Variants in SERPINI1 observed in about 807,000 individuals in gnomAD.
SERPINI1 encodes the protein serpin family I member 1.
In SERPINI1, 19 loss-of-function variants were observed where a neutral mutation model predicts 41.1. The ratio of observed to expected loss-of-function variants is 0.46; its 90% CI spans 0.32 to 0.68. SERPINI1 has a LOEUF of 0.68. Ranked by LOEUF, SERPINI1 falls within the 30% of genes least tolerant of loss-of-function variation. SERPINI1 has a pLI of 0.03. For missense variants in SERPINI1, 460 were observed against 479.2 expected (o/e 0.96, Z 0.37); for synonymous variants, 138 against 156.6 (o/e 0.88, Z 0.89).
rs1052177511 is a variant in SERPINI1, at chr3:167,792,896, A to G, written c.676+112A>G. 11 of 929,422 alleles carry G rather than the reference A, an allele frequency of 1.2e-5. No individual in the cohort carries two copies. In the East Asian group the frequency reaches 1.5e-4, roughly 13 times the overall value. 57.6% of individuals were successfully genotyped at this position (929,422 alleles called of 1,614,324 possible). On this transcript the variant is annotated intron_variant, in intron 4 of 8. Coordinates refer to ENST00000446050, the MANE Select transcript of SERPINI1 (RefSeq NM_001122752.2). ...CCTTGTCAATCTAATTTGGGCTACA[A>G]TTCAATTTTTTGGCTCCATTTTAAA...
At chr3:167,791,370 C>T (rs1727501157) in intron 3 of SERPINI1, among the ~76,000 whole-genome samples, 1 of 152,072 alleles carries the variant, frequency 6.6e-6, no homozygotes, top group African/African-American at 2.4e-5. Context: ...TAACCCTGAA[C>T]AGATACTCAA....
At chr3:167,816,638 G>A (rs1712099417) in intron 6 of SERPINI1, among the ~76,000 whole-genome samples, 1 of 152,136 alleles carries the variant, frequency 6.6e-6, no homozygotes, top group Admixed American at 6.5e-5. Flanking sequence ...CCTTAAGGAA[G>A]TAGACTGTCC....
At chr3:167,773,391 G>A (rs560067815) in intron 1 of SERPINI1, among the ~76,000 whole-genome samples, 15 of 151,826 alleles carry the variant, frequency 9.9e-5, no homozygotes, top group African/African-American at 3.6e-4. Context: ...TATTTTAAGT[G>A]CCTTGTGAAG....
chr3:167,779,656 A>T lies in SERPINI1; in HGVS notation c.-18-9455A>T, dbSNP rs9815034. Among the ~76,000 whole-genome samples, 5 of 152,008 alleles carry T rather than the reference A, an allele frequency of 3.3e-5. No individual in the cohort carries two copies. In the East Asian group the frequency reaches 7.7e-4, roughly 24 times the overall value. ...AGTAATCATCTTGGCCCATTCCCAA[A>T]TCTTCCATAATTTTTTCTTCCGGTA... On this transcript the variant is annotated intron_variant, in intron 1 of 8. Coordinates refer to ENST00000446050, the MANE Select transcript of SERPINI1 (RefSeq NM_001122752.2).
intron 1 of SERPINI1, among the ~76,000 whole-genome samples, chr3:167,751,036 TAAAA>T (rs941874376): frequency 2.0e-5 from 3 of 152,026 alleles, no homozygotes; most frequent in East Asian, 1.9e-4. Context: ...ATGATAATAT[TAAAA>T]AAAGAATAGA....
At chr3:167,812,979 G>A (rs1711944050) in intron 6 of SERPINI1, among the ~76,000 whole-genome samples, 1 of 152,142 alleles carries the variant, frequency 6.6e-6, no homozygotes, top group Admixed American at 6.5e-5. Context: ...GAAGGTGTAA[G>A]GGGAAGGAGA....
At chr3:167,792,871 C>G (rs2108558657) in intron 4 of SERPINI1, 87 bp downstream of exon 4, 1 of 1,141,022 alleles carries the variant, frequency 8.8e-7, no homozygotes, top group East Asian at 2.4e-5. Context: ...TATTCAAACT[C>G]CTTGTCAATC....
intron 1 of SERPINI1, among the ~76,000 whole-genome samples, chr3:167,781,471 C>T (rs1727122468): frequency 6.6e-6 from 1 of 151,680 alleles, no homozygotes; most frequent in Non-Finnish European, 1.5e-5. Context: ...TTGCCGCCAC[C>T]CCAATATATT....
chr3:167,789,439 T>G, intron 2 of SERPINI1, 61 bp downstream of exon 2: 3 of 1,584,188 alleles, frequency 1.9e-6, no homozygotes, highest in Non-Finnish European at 2.6e-6. Flanking sequence ...TCAGTTATGT[T>G]GTATTCTTAT....
intron 1 of SERPINI1, among the ~76,000 whole-genome samples, chr3:167,743,423 AAAT>A (rs1725745478): frequency 6.6e-6 from 1 of 152,204 alleles, no homozygotes; most frequent in African/African-American, 2.4e-5. Context: ...GAGAAAATGT[AAAT>A]AAGTACATTA....
intron 1 of SERPINI1, among the ~76,000 whole-genome samples, chr3:167,772,866 A>T (rs367973252): frequency 3.6e-5 from 1 of 27,738 alleles, no homozygotes; most frequent in Admixed American, 5.0e-4. Context: ...CTCTCTCTCT[A>T]TATATATATA....
chr3:167,818,119 G>A (rs1029461554), intron 6 of SERPINI1, among the ~76,000 whole-genome samples: 7 of 151,924 alleles, frequency 4.6e-5, no homozygotes, highest in African/African-American at 7.3e-5. Context: ...TCTGCCTCTC[G>A]GGTTCAAGAG....
chr3:167,813,589 C>T (rs1384306152), intron 6 of SERPINI1, among the ~76,000 whole-genome samples: 1 of 152,154 alleles, frequency 6.6e-6, no homozygotes, highest in Non-Finnish European at 1.5e-5. Context: ...ACATCAGAGA[C>T]GTTTGACCTG....
intron 1 of SERPINI1, among the ~76,000 whole-genome samples, chr3:167,786,211 G>A (rs1160778991): frequency 6.6e-6 from 1 of 152,060 alleles, no homozygotes; most frequent in African/African-American, 2.4e-5. Context: ...TATAAGACTT[G>A]GAGAAGATAG....
intron 1 of SERPINI1, among the ~76,000 whole-genome samples, chr3:167,748,632 A>G (rs1725937847): frequency 6.6e-6 from 1 of 152,200 alleles, no homozygotes; most frequent in African/African-American, 2.4e-5. Flanking sequence ...AGGTGGTAGC[A>G]TTGATGATGC....
rs1304029619 is a variant in SERPINI1, at chr3:167,799,556, C to A, written c.881+4732C>A. ...GATTTATAATCCTTTGGGTATATAC[C>A]CAGTAATGGGATTGCTGGGTCAAAT... On this transcript the variant is annotated intron_variant, in intron 5 of 8. Coordinates refer to ENST00000446050, the MANE Select transcript of SERPINI1 (RefSeq NM_001122752.2). Among the ~76,000 whole-genome samples the A allele has an allele frequency of 2.0e-5, 3 of 152,090 alleles. No individual in the cohort carries two copies. In the South Asian group the frequency reaches 6.2e-4, roughly 32 times the overall value.
chr3:167,741,841 G>A (rs1383142031), intron 1 of SERPINI1, among the ~76,000 whole-genome samples: 3 of 152,034 alleles, frequency 2.0e-5, no homozygotes, highest in Non-Finnish European at 4.4e-5. Flanking sequence ...TATGTCCTTT[G>A]ACATACAATA....
intron 3 of SERPINI1, 146 bp from the exon 4 acceptor site, chr3:167,792,444 G>A (rs1727558969): frequency 4.9e-6 from 3 of 618,552 alleles, no homozygotes; most frequent in Admixed American, 3.0e-5. Flanking sequence ...TTTCCCTTTG[G>A]AAGTAAGATA....
chr3:167,789,488 C>T, intron 2 of SERPINI1, 110 bp downstream of exon 2: 1 of 1,309,006 alleles, frequency 7.6e-7, no homozygotes, highest in Non-Finnish European at 1.1e-6. Context: ...AAAAAACAAT[C>T]TCATTGAAAT....
Sources: gnomAD v4.1 joint callset for allele counts (sites outside exome capture counted in the v4.1 genomes callset) on GRCh38, gnomAD v4.1.1 for gene constraint, MANE v1.5 for transcripts, NCBI Gene and HGNC (gene_info 2026-07-23, HGNC 2026-07-21) for gene names.